The following KCNT2 variants were observed in gnomAD, a reference collection of about 807,000 sequenced individuals.
KCNT2 encodes the protein potassium sodium-activated channel subfamily T member 2, also known as potassium channel subfamily T member 2.
In KCNT2, 67 loss-of-function variants were observed where a neutral mutation model predicts 153.8. That is an observed-to-expected ratio of 0.44 (90% CI 0.36 to 0.53). The LOEUF is 0.53. Ranked by LOEUF, KCNT2 falls within the 20% of genes least tolerant of loss-of-function variation. The pLI is 0.00. For synonymous variants in KCNT2, 500 were observed against 458.8 expected (o/e 1.09, Z -1.15); for missense variants, 975 against 1,354.8 (o/e 0.72, Z 4.40).
chr1:196,350,060 T>C (rs1482162496), intron 14 of KCNT2, among the ~76,000 whole-genome samples: 3 of 152,208 alleles, frequency 2.0e-5, no homozygotes, highest in Admixed American at 6.6e-5. Flanking sequence ...GGCTGCATAG[T>C]ATTCCATGGT....
intron 12 of KCNT2, among the ~76,000 whole-genome samples, chr1:196,408,744 C>CGGTT (rs1672041038): frequency 6.6e-6 from 1 of 151,562 alleles, no homozygotes; most frequent in Non-Finnish European, 1.5e-5. Flanking sequence ...AATCAGATAA[C>CGGTT]ATATTCTGTA....
At chr1:196,390,837 A>G (rs1318356511) in intron 13 of KCNT2, among the ~76,000 whole-genome samples, 1 of 150,762 alleles carries the variant, frequency 6.6e-6, no homozygotes, top group African/African-American at 2.4e-5. Flanking sequence ...ACCCCATTAT[A>G]AGAATTGTCA....
At chr1:196,510,924 CA>C (rs545723661) in intron 1 of KCNT2, among the ~76,000 whole-genome samples, 2 of 152,118 alleles carry the variant, frequency 1.3e-5, no homozygotes, top group Non-Finnish European at 2.9e-5. Context: ...GATCCAAAAC[CA>C]AGCAACTAGC....
rs780739918 is a variant in KCNT2, at chr1:196,331,116, ATTTT to A, written c.2103+36_2103+39del. On this transcript the variant is annotated intron_variant, in intron 18 of 27. Transcript: ENST00000294725. ...AATTATGTAACTATAAAATGCTATA[ATTTT>A]ATTTTGTAAACAAAAAAGCATCAAC... The A allele has an allele frequency of 1.1e-4, 119 of 1,101,204 alleles. No homozygotes were observed. In the African/African-American group the frequency reaches 1.6e-3, roughly 15 times the overall value. 68.2% of individuals were successfully genotyped at this position (1,101,204 alleles called of 1,614,324 possible).
At chr1:196,313,518 G>A (rs11806585) in intron 21 of KCNT2, among the ~76,000 whole-genome samples, 1 of 151,506 alleles carries the variant, frequency 6.6e-6, no homozygotes, top group African/African-American at 2.4e-5. Context: ...AACCACATCT[G>A]TAAAATGCAA....
chr1:196,285,279 G>GA (rs912209014), intron 23 of KCNT2, among the ~76,000 whole-genome samples: 7 of 151,954 alleles, frequency 4.6e-5, no homozygotes, highest in Admixed American at 1.3e-4. Flanking sequence ...TTCAAACCTG[G>GA]AAAAAATGTA....
At chr1:196,423,262 T>C (rs575460237) in intron 11 of KCNT2, 149 bp from the exon 12 acceptor site, 19 of 458,346 alleles carry the variant, frequency 4.1e-5, no homozygotes, top group African/African-American at 3.6e-4. Context: ...GTTGAATTTC[T>C]AGCAGATCAT....
intron 1 of KCNT2, among the ~76,000 whole-genome samples, chr1:196,570,065 A>C (rs1329749826): frequency 2.3e-5 from 3 of 132,098 alleles, no homozygotes; most frequent in African/African-American, 8.4e-5. Flanking sequence ...CTTGAGCTAG[A>C]GTAAAAAAAA....
intron 22 of KCNT2, among the ~76,000 whole-genome samples, chr1:196,288,915 G>C (rs1473356413): frequency 1.3e-5 from 2 of 152,072 alleles, no homozygotes; most frequent in Non-Finnish European, 2.9e-5. Context: ...AATAGTTTCA[G>C]TCAAGTGTTT....
At chr1:196,234,719 C>T (rs544870792) in intron 27 of KCNT2, among the ~76,000 whole-genome samples, 1 of 151,474 alleles carries the variant, frequency 6.6e-6, no homozygotes, top group South Asian at 2.1e-4. Context: ...AGTTCTAAAC[C>T]TCTTGCATGG....
At chr1:196,606,414 G>A (rs1424851947) in intron 1 of KCNT2, among the ~76,000 whole-genome samples, 1 of 152,074 alleles carries the variant, frequency 6.6e-6, no homozygotes, top group Non-Finnish European at 1.5e-5. Context: ...TTGAATGATT[G>A]TTTTAAATAT....
chr1:196,271,005 C>T (rs1043316477), intron 25 of KCNT2, among the ~76,000 whole-genome samples: 14 of 151,608 alleles, frequency 9.2e-5, no homozygotes, highest in African/African-American at 3.4e-4. Flanking sequence ...CCTCCCCAAC[C>T]ATACACAAAA....
At chr1:196,455,725 G>T (rs1676607405) in intron 8 of KCNT2, among the ~76,000 whole-genome samples, 1 of 151,900 alleles carries the variant, frequency 6.6e-6, no homozygotes, top group African/African-American at 2.4e-5. Context: ...CCTCTTAGAT[G>T]ATTATTTTCT....
chr1:196,322,493 A>G (rs1663421439), intron 19 of KCNT2, among the ~76,000 whole-genome samples: 1 of 151,898 alleles, frequency 6.6e-6, no homozygotes, highest in Non-Finnish European at 1.5e-5. Flanking sequence ...TAGTAAACAG[A>G]AGGAAAATGA....
At chr1:196,311,061 G>T (rs1662129700) in intron 21 of KCNT2, among the ~76,000 whole-genome samples, 1 of 151,690 alleles carries the variant, frequency 6.6e-6, no homozygotes, top group Non-Finnish European at 1.5e-5. Context: ...CACTTTTCAG[G>T]TAAAAGATTA....
At chr1:196,310,325 T>A (rs564096922) in intron 21 of KCNT2, among the ~76,000 whole-genome samples, 1 of 151,952 alleles carries the variant, frequency 6.6e-6, no homozygotes, top group African/African-American at 2.4e-5. Context: ...GGACTGCAAT[T>A]GACTATCAAC....
intron 13 of KCNT2, among the ~76,000 whole-genome samples, chr1:196,390,666 T>C (rs1365685944): frequency 6.7e-6 from 1 of 150,162 alleles, no homozygotes. Flanking sequence ...CTTTACCGAA[T>C]ACTTGCATTA....
At chr1:196,378,803 G>A (rs1018290640) in intron 13 of KCNT2, among the ~76,000 whole-genome samples, 1 of 146,690 alleles carries the variant, frequency 6.8e-6, no homozygotes, top group African/African-American at 2.5e-5. Flanking sequence ...AAACAACATT[G>A]TATATATAAT....
Position 196,331,161 on chromosome 1 carries a change from C to T in KCNT2, c.2098G>A (p.Asp700Asn). 1 of 1,570,908 alleles carries T rather than the reference C, an allele frequency of 6.4e-7. No homozygotes were observed. Among genetic ancestry groups the T allele is most frequent in the Non-Finnish European group, 8.8e-7 (1 of 1,141,338 alleles). ...EKVPFCCLRL[D>N]KSCQHNYYED... is the part of the protein sequence containing the mutation. ...AAGCATCAACAAGTACTTACCTTGT[C>T]TAATCTTAAGCAGCAAAATGGTACT... The change falls in exon 18 of 28, where the codon GAC becomes AAC. Residue 700 changes from aspartate to asparagine, a missense_variant. Asp to Asn is a conservative substitution (Grantham distance 23). Coordinates refer to ENST00000294725, the MANE Select transcript of KCNT2 (RefSeq NM_198503.5).
Sources: gnomAD v4.1 joint callset for allele counts (sites outside exome capture counted in the v4.1 genomes callset) on GRCh38, gnomAD v4.1.1 for gene constraint, MANE v1.5 for transcripts, NCBI Gene and HGNC (gene_info 2026-07-23, HGNC 2026-07-21) for gene names.